HMCN1: variants seen among roughly 807,000 people sequenced by gnomAD.
HMCN1 encodes hemicentin 1.
A neutral mutation model predicts 625.9 loss-of-function variants in HMCN1; 321 were observed. The observed-to-expected ratio is 0.51, with a 90% CI of 0.47 to 0.56. The LOEUF is 0.56. HMCN1 is among the 20% of genes least tolerant of loss of function. The pLI is 0.00. For synonymous variants in HMCN1, 2,425 were observed against 2,417.6 expected, an observed-to-expected ratio of 1.00 and a Z score of -0.09; for missense variants, 6,588 against 6,887.3, an observed-to-expected ratio of 0.96 and a Z score of 1.54.
At chr1:186,009,780 G>A (rs979793865) in intron 30 of HMCN1, among the ~76,000 whole-genome samples, 1 of 152,164 alleles carries the variant, frequency 6.6e-6, no homozygotes. Context: ...TATCCTATCA[G>A]GAGATTGTGC....
At chr1:185,844,535 A>C (rs1418977694) in intron 1 of HMCN1, among the ~76,000 whole-genome samples, 1 of 152,234 alleles carries the variant, frequency 6.6e-6, no homozygotes, top group East Asian at 1.9e-4. Context: ...TTGGAGTTAT[A>C]AGCTCTTTTT....
intron 1 of HMCN1, among the ~76,000 whole-genome samples, chr1:185,789,792 T>A (rs183474097): frequency 5.3e-5 from 8 of 152,348 alleles, no homozygotes; most frequent in Non-Finnish European, 1.0e-4. Context: ...TTAGATACTG[T>A]GGGCTCAGGC....
At chr1:186,144,803 C>G (rs1394651931) in intron 91 of HMCN1, 100 bp downstream of exon 91, 1 of 1,395,156 alleles carries the variant, frequency 7.2e-7, no homozygotes, top group South Asian at 1.2e-5. Context: ...GGTTCTTCAA[C>G]CTTTGGTTTA....
At chr1:186,052,899 A>G (rs941553946) in intron 42 of HMCN1, 53 bp from the exon 43 acceptor site, 1 of 1,428,964 alleles carries the variant, frequency 7.0e-7, no homozygotes, top group Non-Finnish European at 9.9e-7. Context: ...GTAAACTGTT[A>G]TGAGAATTCT....
rs530899025 is a variant in HMCN1 at position 186,127,516 on chromosome 1, C to A, written c.12691-562C>A. Among the ~76,000 whole-genome samples, 3 of 152,034 alleles carry A rather than the reference C, an allele frequency of 2.0e-5. No homozygotes were observed. In the East Asian group the frequency reaches 5.8e-4, roughly 29 times the overall value. On this transcript the variant is annotated intron_variant, in intron 82 of 106. Transcript: ENST00000271588. ...CAGTGAGATAGGAGGGGAAAATAGG[C>A]GAGCATAGTGTCCTGGAAACCATGT...
intron 3 of HMCN1, among the ~76,000 whole-genome samples, chr1:185,865,540 T>C (rs1328074278): frequency 6.6e-6 from 1 of 151,288 alleles, no homozygotes; most frequent in Non-Finnish European, 1.5e-5. Flanking sequence ...CCTATCTGGG[T>C]TCACTATTAA....
At chr1:186,130,267 C>G (rs1405913147) in intron 84 of HMCN1, among the ~76,000 whole-genome samples, 167 bp downstream of exon 84, 18 of 152,000 alleles carry the variant, frequency 1.2e-4, no homozygotes, top group Admixed American at 2.0e-4. Context: ...ACATTCAACT[C>G]AAAAGTAGAT....
chr1:186,023,656 T>C (rs1654866888), intron 36 of HMCN1, among the ~76,000 whole-genome samples: 1 of 152,164 alleles, frequency 6.6e-6, no homozygotes, highest in African/African-American at 2.4e-5. Context: ...ACCTTGAATA[T>C]ACCACTTCAG....
chr1:186,121,722 A>T (rs1661408655), intron 80 of HMCN1, among the ~76,000 whole-genome samples: 1 of 152,218 alleles, frequency 6.6e-6, no homozygotes, highest in African/African-American at 2.4e-5. Context: ...GGAGAAGTAT[A>T]GTCAAAGATA....
Position 186,125,556 on chromosome 1 carries a change from A to G in HMCN1, c.12500-48A>G. On this transcript the variant is annotated intron_variant, in intron 81 of 106. Coordinates refer to ENST00000271588, the MANE Select transcript of HMCN1 (RefSeq NM_031935.3). ...GTTAATTTTTATTGTGAATAAAGACATTATTGAACTCAGCTTCCTGGATGA... is the reference window on the plus strand; with the variant it reads ...GTTAATTTTTATTGTGAATAAAGACGTTATTGAACTCAGCTTCCTGGATGA... The G allele has an allele frequency of 2.9e-6, 4 of 1,397,346 alleles. No individual in the cohort carries two copies. The African/African-American group carries it at 5.7e-5, about 20-fold the overall frequency. The allele number at this position is 1,397,346 out of a possible 1,614,324, so 86.6% of individuals were successfully genotyped here.
intron 1 of HMCN1, among the ~76,000 whole-genome samples, chr1:185,797,220 T>A (rs115803887): frequency 0.017 from 2,600 of 152,318 alleles, 45 homozygotes; most frequent in Non-Finnish European, 0.021. Context: ...TTGTTTGAAT[T>A]CCTTGTAGAT....
rs78298007 is a variant in HMCN1 at position 185,749,419 on chromosome 1, A to G, written c.268+14372A>G. On this transcript the variant is annotated intron_variant, in intron 1 of 106. Transcript: ENST00000271588. ...GCCAGGCAGGCAACATCAATACAGA[A>G]GTGGAACAAGGAGAAACCTACTGCC... 4.7e-4 allele frequency among the ~76,000 whole-genome samples: 71 copies of G among 152,264 alleles called. No individual in the cohort carries two copies. In the East Asian group the frequency reaches 0.013, roughly 28 times the overall value.
intron 71 of HMCN1, among the ~76,000 whole-genome samples, chr1:186,108,869 G>T (rs982458900): frequency 8.5e-5 from 13 of 152,266 alleles, no homozygotes; most frequent in African/African-American, 2.9e-4. Flanking sequence ...ATTTCCTAGC[G>T]CCCATGCATT....
At chr1:185,987,354 G>A (rs1652070721) in intron 19 of HMCN1, 78 bp from the exon 20 acceptor site, 2 of 884,626 alleles carry the variant, frequency 2.3e-6, no homozygotes, top group Non-Finnish European at 3.9e-6. Flanking sequence ...ATGTTGTAAT[G>A]AAAATGTTCA....
chr1:186,189,618 G>T lies in HMCN1; in HGVS notation c.16648G>T (p.Asp5550Tyr), dbSNP rs528629410. 6.2e-7 allele frequency: 1 copy of T among 1,613,298 alleles called. No homozygotes were observed. Among genetic ancestry groups the T allele is most frequent in the East Asian group, 2.2e-5 (1 of 44,860 alleles). Residue 5550 changes from aspartate to tyrosine, a missense_variant, in exon 107 of 107, where the codon GAT (aspartate) becomes TAT (tyrosine). Physicochemically the swap from Asp to Tyr is radical, Grantham distance 160. Transcript: ENST00000271588. ...CCCATTTGGAATAGCCACCAATCAA[G>T]ATTTAATCCGGCTGGTTGCATACAC... ...SLPFGIATNQ[D>Y]LIRLVAYTQD...
intron 1 of HMCN1, among the ~76,000 whole-genome samples, chr1:185,735,504 A>G (rs1160163193): frequency 6.6e-6 from 1 of 152,244 alleles, no homozygotes; most frequent in Non-Finnish European, 1.5e-5. Context: ...TGTGTGAGAC[A>G]CAAGGAAGCC....
Position 186,001,702 on chromosome 1 carries a change from G to A in HMCN1, c.4309G>A (p.Ala1437Thr). 6.2e-7 allele frequency: 1 copy of A among 1,612,666 alleles called. No individual in the cohort carries two copies. The highest frequency in any genetic ancestry group is 8.5e-7 in the Non-Finnish European group (1 of 1,179,006). The change falls in exon 28 of 107, where the codon GCA becomes ACA. Residue 1437 changes from alanine (A) to threonine (T), a missense_variant. By Grantham distance (58) the Ala-to-Thr change is moderately conservative (BLOSUM62 0). Transcript: ENST00000271588. ...ATATTCCTGCAAAGCAATTAATATT[G>A]CAGGCACTTCTCAGAAGTACTTTAA... Reference protein sequence around the residue: ...GRYSCKAINIAGTSQKYFNID... With the variant: ...GRYSCKAINITGTSQKYFNID...
chr1:185,798,676 C>T (rs1307754504), intron 1 of HMCN1, among the ~76,000 whole-genome samples: 2 of 151,932 alleles, frequency 1.3e-5, no homozygotes, highest in Non-Finnish European at 2.9e-5. Flanking sequence ...TTAAAACTTT[C>T]AACTGTATTT....
At chr1:185,797,965 CAAAAAAAAAA>C (rs35031310) in intron 1 of HMCN1, among the ~76,000 whole-genome samples, 9 of 13,666 alleles carry the variant, frequency 6.6e-4, no homozygotes, top group Admixed American at 3.9e-3. Flanking sequence ...GACTCCGTCT[CAAAAAAAAAA>C]AAAAAAAAAA....
Sources: gnomAD v4.1 joint callset for allele counts (sites outside exome capture counted in the v4.1 genomes callset) on GRCh38, gnomAD v4.1.1 for gene constraint, MANE v1.5 for transcripts, NCBI Gene and HGNC (gene_info 2026-07-23, HGNC 2026-07-21) for gene names.